The following UNC13C variants were observed in gnomAD, a reference collection of about 807,000 sequenced individuals.
The protein encoded by UNC13C is unc-13 homolog C, also known as protein unc-13 homolog C.
UNC13C carries 174 observed loss-of-function variants against 245.4 expected under a neutral mutation model. The ratio of observed to expected loss-of-function variants is 0.71; its 90% CI spans 0.63 to 0.80. UNC13C has a LOEUF of 0.80. UNC13C is among the 30% of genes least tolerant of loss of function. The pLI is 0.00. For synonymous variants in UNC13C, 992 were observed against 895.1 expected (o/e 1.11, Z -1.93); for missense variants, 2,829 against 2,602.9 (o/e 1.09, Z -1.89).
At chr15:53,999,258 A>G (rs994023880) in intron 1 of UNC13C, among the ~76,000 whole-genome samples, 1 of 151,800 alleles carries the variant, frequency 6.6e-6, no homozygotes, top group Non-Finnish European at 1.5e-5. Context: ...TTACATATGT[A>G]TATGTAAGAT....
chr15:54,121,677 C>G (rs769859486), intron 2 of UNC13C, among the ~76,000 whole-genome samples: 1 of 151,676 alleles, frequency 6.6e-6, no homozygotes, highest in Non-Finnish European at 1.5e-5. Flanking sequence ...TTGTAGAAGT[C>G]TTTCAAAAAA....
At chr15:54,155,803 G>A (rs2032720045) in intron 4 of UNC13C, among the ~76,000 whole-genome samples, 1 of 152,086 alleles carries the variant, frequency 6.6e-6, no homozygotes, top group Admixed American at 6.6e-5. Context: ...AATTAAATTG[G>A]GCTTAAATGT....
intron 10 of UNC13C, among the ~76,000 whole-genome samples, chr15:54,287,389 T>C (rs1405445632): frequency 6.6e-6 from 1 of 152,194 alleles, no homozygotes; most frequent in East Asian, 1.9e-4. Flanking sequence ...TTAAATTTAT[T>C]TCAGATATAA....
At position 54,571,918 on chromosome 15, in the gene UNC13C, T is replaced by C. The variant is rs149626905; in HGVS notation, c.6106+3971T>C. On this transcript the variant is annotated intron_variant, in intron 30 of 32. Coordinates refer to ENST00000260323, the MANE Select transcript of UNC13C (RefSeq NM_001080534.3). ...AGCACTCCAGAGTTTCCCTATGAGA[T>C]GGGATCCAGTTTCCCTCAGAAGGCT... 8.6e-4 allele frequency among the ~76,000 whole-genome samples: 131 copies of C among 152,340 alleles called. 1 individual carries two copies. In the East Asian group the frequency reaches 0.022, roughly 26 times the overall value.
chr15:54,008,102 T>G (rs992168303), intron 1 of UNC13C, among the ~76,000 whole-genome samples: 2 of 152,278 alleles, frequency 1.3e-5, no homozygotes, highest in Admixed American at 1.3e-4. Context: ...AATAAATTTT[T>G]GACTGTTTAA....
At chr15:53,919,899 A>T in the UNC13C span, among the ~76,000 whole-genome samples, 10 of 152,180 alleles carry the variant, frequency 6.6e-5, no homozygotes, top group Non-Finnish European at 1.3e-4. Flanking sequence ...AAGTAATATC[A>T]CAACAAAAAT....
At chr15:53,862,374 G>A in the UNC13C span, among the ~76,000 whole-genome samples, 1 of 152,146 alleles carries the variant, frequency 6.6e-6, no homozygotes, top group Non-Finnish European at 1.5e-5. Context: ...ATGCCTACAT[G>A]TGGGAGTGCG....
At chr15:54,060,445 G>A (rs1270893238) in intron 2 of UNC13C, among the ~76,000 whole-genome samples, 137 of 152,174 alleles carry the variant, frequency 9.0e-4, no homozygotes, top group African/African-American at 3.1e-3. Context: ...TTAGAATGGT[G>A]ATCATTAAAA....
intron 13 of UNC13C, among the ~76,000 whole-genome samples, chr15:54,307,134 A>AG (rs1302700407): frequency 6.6e-6 from 1 of 152,008 alleles, no homozygotes; most frequent in African/African-American, 2.4e-5. Flanking sequence ...AGAATGTCTT[A>AG]GTCTGTGAGG....
chr15:54,251,048 G>A (rs2036139868), intron 8 of UNC13C, among the ~76,000 whole-genome samples: 1 of 152,026 alleles, frequency 6.6e-6, no homozygotes, highest in Admixed American at 6.5e-5. Context: ...GTGAGCCACC[G>A]CGCCCGGCCC....
chr15:54,486,294 C>T (rs1299538258), intron 19 of UNC13C, among the ~76,000 whole-genome samples: 2 of 143,074 alleles, frequency 1.4e-5, no homozygotes, highest in South Asian at 2.3e-4. Context: ...CACACAATAT[C>T]AGTGTGGTGG....
At chr15:53,928,729 C>T in the UNC13C span, among the ~76,000 whole-genome samples, 2 of 152,200 alleles carry the variant, frequency 1.3e-5, no homozygotes, top group Admixed American at 1.3e-4. Context: ...GATGAGCTTT[C>T]TAAGTGCATT....
At chr15:54,597,731 T>A (rs1443686489) in intron 30 of UNC13C, among the ~76,000 whole-genome samples, 1 of 152,184 alleles carries the variant, frequency 6.6e-6, no homozygotes, top group African/African-American at 2.4e-5. Flanking sequence ...GTATCAGAGA[T>A]CAGAGGAGAC....
intron 4 of UNC13C, among the ~76,000 whole-genome samples, chr15:54,210,911 C>A (rs12593137): frequency 6.6e-6 from 1 of 152,042 alleles, no homozygotes; most frequent in Non-Finnish European, 1.5e-5. Context: ...CTTTGCTTCA[C>A]GGGGAGACAT....
chr15:54,231,379 T>C (rs898627688), intron 4 of UNC13C, among the ~76,000 whole-genome samples: 2 of 152,008 alleles, frequency 1.3e-5, no homozygotes, highest in African/African-American at 4.8e-5. Flanking sequence ...GTTTTAGAGA[T>C]ATAGGATATC....
intron 19 of UNC13C, among the ~76,000 whole-genome samples, chr15:54,449,364 C>G (rs747900475): frequency 3.0e-4 from 46 of 152,292 alleles, no homozygotes; most frequent in African/African-American, 8.9e-4. Context: ...ATATCCTGCA[C>G]AGTGTTTTCC....
intron 4 of UNC13C, among the ~76,000 whole-genome samples, chr15:54,220,227 A>C (rs994292758): frequency 7.3e-5 from 11 of 151,266 alleles, no homozygotes; most frequent in Non-Finnish European, 1.5e-4. Flanking sequence ...CTGGATTAAG[A>C]AAATGTGGCA....
intron 30 of UNC13C, among the ~76,000 whole-genome samples, chr15:54,610,964 A>T (rs1369542304): frequency 6.6e-6 from 1 of 152,212 alleles, no homozygotes; most frequent in African/African-American, 2.4e-5. Flanking sequence ...ATACTTTTTT[A>T]AATTTAGCAT....
intron 4 of UNC13C, among the ~76,000 whole-genome samples, chr15:54,208,903 C>T (rs1204896415): frequency 6.6e-6 from 1 of 152,076 alleles, no homozygotes; most frequent in African/African-American, 2.4e-5. Context: ...CACAGGCAAG[C>T]CAAAATGACG....
Sources: allele counts gnomAD v4.1 joint callset (sites outside exome capture counted in the v4.1 genomes callset), GRCh38; gene constraint gnomAD v4.1.1; transcripts MANE v1.5; gene names NCBI Gene and HGNC (gene_info 2026-07-23, HGNC 2026-07-21).